PML: variants seen among roughly 807,000 people sequenced by gnomAD.
The protein encoded by PML is protein PML.
PML carries 28 observed loss-of-function variants against 65.2 expected under a neutral mutation model. That is an observed-to-expected ratio of 0.43 (90% CI 0.32 to 0.59). PML has a LOEUF of 0.59. PML is among the 20% of genes least tolerant of loss of function. The probability of loss-of-function intolerance (pLI) is 0.08; values close to 1 mark genes in which losing one functional copy is unlikely to be tolerated. For missense variants in PML, 1,021 were observed against 1,203.4 expected (o/e 0.85, Z 2.24); for synonymous variants, 500 against 508.8 (o/e 0.98, Z 0.23).
chr15:74,034,335 C>A (rs1294651550), intron 6 of PML, 143 bp from the exon 7 acceptor site: 1 of 984,616 alleles, frequency 1.0e-6, no homozygotes, highest in Non-Finnish European at 1.6e-6. Context: ...CATTGGCACA[C>A]ACAGTGGCTG....
At chr15:74,012,460 C>T (rs941599383) in intron 2 of PML, among the ~76,000 whole-genome samples, 2 of 152,210 alleles carry the variant, frequency 1.3e-5, no homozygotes, top group African/African-American at 4.8e-5. Context: ...AGGCGTGAGC[C>T]ACCGTGCCTG....
chr15:74,022,288 A>G (rs1460516917), intron 2 of PML, among the ~76,000 whole-genome samples: 2 of 152,166 alleles, frequency 1.3e-5, no homozygotes, highest in Non-Finnish European at 2.9e-5. Context: ...TTGAACAAAC[A>G]TCAGCCCCCA....
rs1223553102 is a variant in PML, at chr15:73,998,365, G to T, written c.491G>T (p.Arg164Leu). 1.2e-6 allele frequency: 2 copies of T among 1,614,132 alleles called. No homozygotes were observed. Among genetic ancestry groups the T allele is most frequent in the Admixed American group, 1.7e-5 (1 of 60,024 alleles). ...CAGTGGTTCCTCAAGCACGAGGCCCGGCCCCTAGCAGAGCTGCGCAACCAG... is the reference window on the plus strand; with the variant it reads ...CAGTGGTTCCTCAAGCACGAGGCCCTGCCCCTAGCAGAGCTGCGCAACCAG... ...AHQWFLKHEA[R>L]PLAELRNQSV... The change falls in exon 2 of 9, where the codon CGG (arginine) becomes CTG (leucine). Residue 164 changes from arginine (R) to leucine (L), a missense_variant. Arg to Leu is a moderately radical substitution (Grantham distance 102). Coordinates refer to ENST00000268058, the MANE Select transcript of PML (RefSeq NM_033238.3).
chr15:74,007,081 C>T (rs566184127), intron 2 of PML, among the ~76,000 whole-genome samples: 2 of 152,312 alleles, frequency 1.3e-5, no homozygotes, highest in East Asian at 1.9e-4. Flanking sequence ...TTTGTTTGTG[C>T]GGGCCTACTT....
chr15:74,040,932 T>G (rs1595921904), intron 7 of PML, among the ~76,000 whole-genome samples: 1 of 152,286 alleles, frequency 6.6e-6, no homozygotes, highest in South Asian at 2.1e-4. Context: ...GAGGTTCTAG[T>G]GGCTGCCATA....
rs971657257 is a variant in PML at position 73,998,042 on chromosome 15, C to T, written c.168C>T (p.Arg56=). 5 of 1,612,926 alleles carry T rather than the reference C, an allele frequency of 3.1e-6. No homozygotes were observed. The highest frequency in any genetic ancestry group is 4.2e-6 in the Non-Finnish European group (5 of 1,179,954). The change falls in exon 2 of 9, where the codon CGC becomes CGT. Residue 56 remains arginine, a synonymous_variant. Transcript: ENST00000268058. The part of the protein sequence containing the change: ...PASEEEFQFL[R]CQQCQAEAKC... ...CGGAGGAGGAGTTCCAGTTTCTGCG[C>T]TGCCAGCAATGCCAGGCGGAAGCCA...
chr15:74,015,127 C>T (rs1413087340), intron 2 of PML, among the ~76,000 whole-genome samples: 1 of 152,200 alleles, frequency 6.6e-6, no homozygotes. Flanking sequence ...TCTCCAAGAC[C>T]TCAGGCTTTC....
intron 1 of PML, among the ~76,000 whole-genome samples, chr15:73,995,172 G>A (rs2069417228): frequency 6.6e-6 from 1 of 152,238 alleles, no homozygotes. Flanking sequence ...CTGGGCTGCG[G>A]TTTCTCCACT....
At position 74,030,391 on chromosome 15, in the gene PML, G is replaced by A. The variant is rs192319769; in HGVS notation, c.1255-2181G>A. On this transcript the variant is annotated intron_variant, in intron 4 of 8. Transcript: ENST00000268058. ...TGGCCAGGTGTGGTGGCTCATGCCT[G>A]TAATCCCAGCACTTTGGGAGGCCGA... 2.7e-3 allele frequency among the ~76,000 whole-genome samples: 413 copies of A among 152,334 alleles called. 3 individuals carry two copies. Among genetic ancestry groups the A allele is most frequent in the African/African-American group, 9.5e-3 (394 of 41,568 alleles).
chr15:74,002,459 T>TTG (rs1000995031), intron 2 of PML, among the ~76,000 whole-genome samples: 5 of 146,514 alleles, frequency 3.4e-5, no homozygotes, highest in African/African-American at 7.5e-5. Flanking sequence ...TTTTTTTTTT[T>TTG]TTTTGATGGA....
chr15:74,001,155 G>A (rs1272382652), intron 2 of PML, among the ~76,000 whole-genome samples: 2 of 151,916 alleles, frequency 1.3e-5, no homozygotes, highest in African/African-American at 2.4e-5. Context: ...TATATTTGTG[G>A]TTTAGCAGTC....
In PML at chr15:74,044,813, G is replaced by GA. The variant is rs1268915587; in HGVS notation, c.2454_2455insA (p.Gly819ArgfsTer33). ...GTGCACACCGCCGTGACCGGCAGGG[G>GA]GGCCTGAAGAAGTACAGCCGCTATC... On this transcript the variant is annotated frameshift_variant, in exon 9 of 9. Coordinates refer to ENST00000268058, the MANE Select transcript of PML (RefSeq NM_033238.3). LOFTEE classifies it low-confidence loss of function (END_TRUNC). 6.2e-7 allele frequency: 1 copy of GA among 1,613,206 alleles called. No homozygotes were observed. Among genetic ancestry groups the GA allele is most frequent in the Non-Finnish European group, 8.5e-7 (1 of 1,180,016 alleles).
chr15:74,040,642 C>T (rs1045658921), intron 7 of PML, among the ~76,000 whole-genome samples: 6 of 152,152 alleles, frequency 3.9e-5, no homozygotes, highest in Admixed American at 1.3e-4. Context: ...GAGTTTAAGG[C>T]GGAGCAGGGG....
chr15:74,044,180 T>C (rs772555455), intron 8 of PML, 41 bp from the exon 9 acceptor site: 1 of 1,604,228 alleles, frequency 6.2e-7, no homozygotes, highest in African/African-American at 1.3e-5. Flanking sequence ...CAGAGCTCTC[T>C]GTGACCCTGG....
intron 7 of PML, among the ~76,000 whole-genome samples, chr15:74,041,997 T>C (rs967239210): frequency 2.5e-4 from 38 of 152,204 alleles, no homozygotes; most frequent in Non-Finnish European, 4.3e-4. Flanking sequence ...GTGGCATTCA[T>C]GGGAGGTTCC....
At chr15:74,004,394 T>C (rs942883018) in intron 2 of PML, among the ~76,000 whole-genome samples, 1 of 152,110 alleles carries the variant, frequency 6.6e-6, no homozygotes, top group African/African-American at 2.4e-5. Flanking sequence ...CTCGAACTCC[T>C]AGACTCAAGA....
At chr15:74,016,295 A>G (rs1370528258) in intron 2 of PML, among the ~76,000 whole-genome samples, 1 of 151,912 alleles carries the variant, frequency 6.6e-6, no homozygotes, top group Admixed American at 6.6e-5. Context: ...AAATAAATAA[A>G]AATAAATAAA....
intron 1 of PML, among the ~76,000 whole-genome samples, chr15:73,995,322 C>T (rs1275228136): frequency 6.6e-6 from 1 of 152,220 alleles, no homozygotes; most frequent in African/African-American, 2.4e-5. Flanking sequence ...GTTGCGCTGG[C>T]CTGGAGCCAG....
chr15:74,027,095 C>T (rs1002411400), intron 4 of PML: 4 of 152,168 alleles, frequency 2.6e-5, no homozygotes, highest in Non-Finnish European at 5.9e-5. Context: ...AATTCTTATC[C>T]TATCAATAGG....
Sources: gnomAD v4.1 joint callset for allele counts (sites outside exome capture counted in the v4.1 genomes callset) on GRCh38, gnomAD v4.1.1 for gene constraint, MANE v1.5 for transcripts, NCBI Gene and HGNC (gene_info 2026-07-23, HGNC 2026-07-21) for gene names.